The following HEATR5B variants were observed in gnomAD, a reference collection of about 807,000 sequenced individuals.
The protein encoded by HEATR5B is HEAT repeat containing 5B.
In HEATR5B, 156 loss-of-function variants were observed where a neutral mutation model predicts 224.1. The observed-to-expected ratio is 0.70, with a 90% CI of 0.61 to 0.80. The LOEUF is 0.80. Ranked by LOEUF, HEATR5B falls within the 30% of genes least tolerant of loss-of-function variation. HEATR5B has a pLI of 0.00. For synonymous variants in HEATR5B, 1,027 were observed against 893.0 expected (o/e 1.15, Z -2.68); for missense variants, 2,323 against 2,535.5 (o/e 0.92, Z 1.80).
At position 37,002,550 on chromosome 2, in the gene HEATR5B, C is replaced by G. The variant is rs1282760791; in HGVS notation, c.5073G>C (p.Glu1691Asp). The G allele has an allele frequency of 6.2e-7, 1 of 1,614,026 alleles. No homozygotes were observed. The change falls in exon 32 of 36, where the codon GAG becomes GAC. Residue 1691 changes from glutamate to aspartate, a missense_variant. This residue lies in a region of HEATR5B where 844 missense variants were observed against 812.9 expected (regional missense o/e 1.04). Transcript: ENST00000233099. ...CTCCTTCTCCCAATACGGTACAGGC[C>G]TCTTTTTCCATATCATCTTCATCTG... Reference protein sequence around the residue: ...NTLNEDDMEKEACTVLGEGGD... With the variant: ...NTLNEDDMEKDACTVLGEGGD...
Position 36,988,674 on chromosome 2 carries a change from T to A in HEATR5B, c.5883A>T (p.Thr1961=). 1 of 1,614,044 alleles carries A rather than the reference T, an allele frequency of 6.2e-7. No individual in the cohort carries two copies. The highest frequency in any genetic ancestry group is 1.1e-5 in the South Asian group (1 of 91,086). Residue 1961 remains threonine, a synonymous_variant, in exon 35 of 36, where the codon ACA becomes ACT. Coordinates refer to ENST00000233099, the MANE Select transcript of HEATR5B (RefSeq NM_019024.3). ...TTTGTTCTTCACCAAGAGCAACCAG[T>A]GTTTCAAGAACTTTTATTCCTTCTT... ...AVQEGIKVLE[T]LVALGEEQNR... is the part of the protein sequence containing the mutation.
chr2:36,982,122 C>A lies in HEATR5B; in HGVS notation c.5912-328G>T, dbSNP rs544905181. 9.9e-5 allele frequency among the ~76,000 whole-genome samples: 15 copies of A among 151,838 alleles called. No homozygotes were observed. In the South Asian group the frequency reaches 2.9e-3, roughly 30 times the overall value. The stretch of plus-strand genomic sequence containing the variant: ...TGAGAGTAAGATTATAAAATTTTTA[C>A]GGGCATTCTAGAATCAGGAGATTGG... On this transcript the variant is annotated intron_variant, in intron 35 of 35. Transcript: ENST00000233099.
At chr2:37,024,845 G>A (rs556132912) in intron 24 of HEATR5B, among the ~76,000 whole-genome samples, 1 of 152,142 alleles carries the variant, frequency 6.6e-6, no homozygotes, top group Non-Finnish European at 1.5e-5. Flanking sequence ...CCAACAACCA[G>A]AGTGCTGCTG....
At chr2:36,987,420 C>CAAA (rs369088419) in intron 35 of HEATR5B, among the ~76,000 whole-genome samples, 3,188 of 112,932 alleles carry the variant, frequency 0.028, 89 homozygotes, top group African/African-American at 0.079. Context: ...GACTTTGTTT[C>CAAA]AAAAAAAAAA....
chr2:37,057,650 T>C (rs935055821), intron 14 of HEATR5B, among the ~76,000 whole-genome samples, 170 bp from the exon 15 acceptor site: 1 of 152,216 alleles, frequency 6.6e-6, no homozygotes, highest in Non-Finnish European at 1.5e-5. Context: ...ACAATAATGG[T>C]ACTTCCTTTC....
At chr2:36,984,327 T>C (rs1423780965) in intron 35 of HEATR5B, among the ~76,000 whole-genome samples, 1 of 150,558 alleles carries the variant, frequency 6.6e-6, no homozygotes, top group Non-Finnish European at 1.5e-5. Flanking sequence ...AATTTGTTTC[T>C]ACCTGGATTC....
rs1401125417 is a variant in HEATR5B, at chr2:37,061,978, G to C, written c.1657C>G (p.Gln553Glu). 29 of 1,613,746 alleles carry C rather than the reference G, an allele frequency of 1.8e-5. No homozygotes were observed. The highest frequency in any genetic ancestry group is 2.7e-5 in the African/African-American group (2 of 74,906). Reference protein sequence around the residue: ...QNSRLSLQRTQAGWLLLGALM... With the variant: ...QNSRLSLQRTEAGWLLLGALM... ...GCTCCAAGTAAAAGCCAGCCAGCTT[G>C]GGTGCGCTGTAAAGATAGCCTGCTA... is the stretch of plus-strand genomic sequence containing the variant. Residue 553 changes from glutamine to glutamate, a missense_variant, in exon 11 of 36, where the codon CAA becomes GAA. Gln to Glu is a conservative substitution (Grantham distance 29, BLOSUM62 2). Transcript: ENST00000233099.
intron 34 of HEATR5B, among the ~76,000 whole-genome samples, chr2:36,990,137 T>C (rs1348494764): frequency 6.6e-6 from 1 of 151,986 alleles, no homozygotes; most frequent in East Asian, 1.9e-4. Context: ...CCTCCTGATC[T>C]GCCTGCCTTG....
intron 27 of HEATR5B, among the ~76,000 whole-genome samples, chr2:37,013,551 A>G (rs539362985): frequency 6.6e-6 from 1 of 152,338 alleles, no homozygotes; most frequent in South Asian, 2.1e-4. Flanking sequence ...TATGGCCTCA[A>G]TATCAAGGTG....
At chr2:37,046,522 C>A (rs1182590824) in intron 18 of HEATR5B, among the ~76,000 whole-genome samples, 2 of 151,664 alleles carry the variant, frequency 1.3e-5, no homozygotes, top group Admixed American at 6.6e-5. Flanking sequence ...ACCTGTAATC[C>A]CAGCTACTTG....
rs1199670453 is a variant in HEATR5B at position 37,060,480 on chromosome 2, C to T, written c.1849+101G>A. 6 of 923,318 alleles carry T rather than the reference C, an allele frequency of 6.5e-6. No individual in the cohort carries two copies. The Admixed American group carries it at 1.7e-4, about 26-fold the overall frequency. 57.2% of individuals were successfully genotyped at this position (923,318 alleles called of 1,614,324 possible). A position where few individuals can be genotyped will look rare whatever the true frequency, so the allele number is the denominator to read the frequency against. On this transcript the variant is annotated intron_variant, in intron 12 of 35. Transcript: ENST00000233099. ...CTAAAAGCCTATGAATTTATCATTA[C>T]CTAGTAAAATAAAAAACTATAAAAT...
At chr2:37,044,505 C>G (rs1007842129) in intron 18 of HEATR5B, among the ~76,000 whole-genome samples, 2 of 152,118 alleles carry the variant, frequency 1.3e-5, no homozygotes, top group African/African-American at 2.4e-5. Context: ...TTTATCTATT[C>G]AACCATTGAT....
chr2:37,023,595 C>T (rs558843972), intron 24 of HEATR5B, among the ~76,000 whole-genome samples: 1 of 152,080 alleles, frequency 6.6e-6, no homozygotes, highest in South Asian at 2.1e-4. Flanking sequence ...ATGGTGAAAC[C>T]TCGTCTCTAC....
At position 36,988,845 on chromosome 2, in the gene HEATR5B, A is replaced by C; in HGVS notation, c.5712T>G (p.Cys1904Trp). The change falls in exon 35 of 36, where the codon TGT becomes TGG. Residue 1904 changes from cysteine (C) to tryptophan (W), a missense_variant. Coordinates refer to ENST00000233099, the MANE Select transcript of HEATR5B (RefSeq NM_019024.3). ...NSCDPWVQAKCYQLLLSVFQH... is the reference protein window; with the variant it reads ...NSCDPWVQAKWYQLLLSVFQH... ...GGAAGACTGAGAGGAGAAGCTGGTA[A>C]CATTTGGCTTGAACCTATATAAGAA... 1 of 1,614,040 alleles carries C rather than the reference A, an allele frequency of 6.2e-7. No individual in the cohort carries two copies. The highest frequency in any genetic ancestry group is 8.5e-7 in the Non-Finnish European group (1 of 1,179,894).
In HEATR5B at chr2:37,000,604, G is replaced by A. The variant is rs1295046277; in HGVS notation, c.5527C>T (p.Leu1843=). The A allele has an allele frequency of 2.5e-6, 4 of 1,613,946 alleles. No individual in the cohort carries two copies. The highest frequency in any genetic ancestry group is 2.7e-5 in the African/African-American group (2 of 74,936). ...AGGTTACCTGGTTGAGAATATTCCA[G>A]GATGCAAGCAAGCGTGCTACGAATC... The part of the protein sequence containing the change: ...ALIRSTLACI[L]EYSQPEDSVP... The change falls in exon 33 of 36, where the codon CTG becomes TTG. Residue 1843 remains leucine, a synonymous_variant. Coordinates refer to ENST00000233099, the MANE Select transcript of HEATR5B (RefSeq NM_019024.3).
chr2:37,022,594 A>G (rs1668533182), intron 24 of HEATR5B, among the ~76,000 whole-genome samples: 1 of 152,224 alleles, frequency 6.6e-6, no homozygotes, highest in South Asian at 2.1e-4. Context: ...TATTTACAAA[A>G]AAGGCTGTAG....
chr2:37,062,067 G>C lies in HEATR5B; in HGVS notation c.1585-17C>G, dbSNP rs761910857. Reference sequence around the variant, plus strand: ...AACTACCATCTGCAAGAAAAGTTTAGAATTGGATTTTAATTCAAACAAGTT... The same window carrying C: ...AACTACCATCTGCAAGAAAAGTTTACAATTGGATTTTAATTCAAACAAGTT... On this transcript the variant is annotated splice_polypyrimidine_tract_variant and intron_variant, in intron 10 of 35. Transcript: ENST00000233099. 71 of 1,410,328 alleles carry C rather than the reference G, an allele frequency of 5.0e-5. No homozygotes were observed. The highest frequency in any genetic ancestry group is 5.0e-5 in the Non-Finnish European group (50 of 995,554). 87.4% of individuals were successfully genotyped at this position (1,410,328 alleles called of 1,614,324 possible).
chr2:37,011,660 T>C (rs1239933466), intron 27 of HEATR5B, among the ~76,000 whole-genome samples: 1 of 152,260 alleles, frequency 6.6e-6, no homozygotes, highest in Admixed American at 6.5e-5. Context: ...ATTATTTTAA[T>C]GACTTACAGT....
intron 26 of HEATR5B, among the ~76,000 whole-genome samples, chr2:37,019,086 A>T (rs1668302972): frequency 6.6e-6 from 1 of 151,404 alleles, no homozygotes; most frequent in African/African-American, 2.4e-5. Flanking sequence ...TGAACCCGGG[A>T]GGCGGAGGTT....
Sources: gnomAD v4.1 joint callset for allele counts (sites outside exome capture counted in the v4.1 genomes callset) on GRCh38, gnomAD v4.1.1 for gene constraint, gnomAD v4.1.1 regional missense constraint, MANE v1.5 for transcripts, NCBI Gene and HGNC (gene_info 2026-07-23, HGNC 2026-07-21) for gene names.